ELMOD2: variants seen among roughly 807,000 people sequenced by gnomAD.
ELMOD2 encodes ELMO domain-containing protein 2.
Under a neutral mutation model 41.0 loss-of-function variants are expected in ELMOD2, and 28 were observed. That is an observed-to-expected ratio of 0.68 (90% CI 0.51 to 0.94). ELMOD2 has a LOEUF of 0.94. ELMOD2 is among the 40% of genes least tolerant of loss of function. The probability of loss-of-function intolerance (pLI) is 0.00; values close to 1 mark genes in which losing one functional copy is unlikely to be tolerated. For missense variants in ELMOD2, 333 were observed against 343.1 expected (o/e 0.97, Z 0.23); for synonymous variants, 106 against 107.2 (o/e 0.99, Z 0.07).
Position 140,538,998 on chromosome 4 carries a change from G to A in ELMOD2, c.400-1170G>A, listed in dbSNP as rs1024785106. 1.0e-3 allele frequency among the ~76,000 whole-genome samples: 157 copies of A among 152,272 alleles called. 1 individual carries two copies. The highest frequency in any genetic ancestry group is 3.4e-3 in the African/African-American group (143 of 41,554). On this transcript the variant is annotated intron_variant, in intron 5 of 8. Transcript: ENST00000323570. Reference sequence around the variant, plus strand: ...CTCCTTGCAGAATTCATGGAGAGAGGCTAATGTAAGCAAGTCACAGGTGTT... The same window carrying A: ...CTCCTTGCAGAATTCATGGAGAGAGACTAATGTAAGCAAGTCACAGGTGTT...
At chr4:140,535,171 CTCT>C (rs1734878634) in intron 3 of ELMOD2, among the ~76,000 whole-genome samples, 1 of 143,320 alleles carries the variant, frequency 7.0e-6, no homozygotes, top group East Asian at 2.2e-4. Context: ...CTCTCTCTCT[CTCT>C]CTCGCCTTGG....
chr4:140,537,328 A>G (rs1054779033), intron 4 of ELMOD2, 84 bp from the exon 5 acceptor site: 2 of 1,225,358 alleles, frequency 1.6e-6, no homozygotes, highest in African/African-American at 3.2e-5. Flanking sequence ...AATGCTTTCT[A>G]AATAGACATA....
chr4:140,527,418 A>G (rs372813486), intron 2 of ELMOD2, 48 bp from the exon 3 acceptor site: 1 of 1,457,242 alleles, frequency 6.9e-7, no homozygotes, highest in Non-Finnish European at 9.4e-7. Context: ...GGTAATTGAC[A>G]AACAGCATTT....
Position 140,542,603 on chromosome 4 carries a change from C to G in ELMOD2, c.563C>G (p.Ala188Gly). Residue 188 changes from alanine to glycine, a missense_variant, in exon 7 of 9, where the codon GCT becomes GGT. Transcript: ENST00000323570. ...TTCAGTGAAAATTACACTAGTGAAG[C>G]TCATCAGATTCTTTCCCGTTCAAAT... is the stretch of plus-strand genomic sequence containing the variant. ...VYFSENYTSE[A>G]HQILSRSNHP... 1.2e-6 allele frequency: 2 copies of G among 1,605,770 alleles called. No individual in the cohort carries two copies. Among genetic ancestry groups the G allele is most frequent in the Non-Finnish European group, 8.5e-7 (1 of 1,175,458 alleles).
chr4:140,534,317 C>T (rs189990287), intron 3 of ELMOD2, among the ~76,000 whole-genome samples: 3 of 152,156 alleles, frequency 2.0e-5, no homozygotes, highest in Admixed American at 6.5e-5. Flanking sequence ...CAAAATAGTA[C>T]GTACTTTGAT....
At position 140,552,776 on chromosome 4, in the gene ELMOD2, A is replaced by G. The variant is rs1470785146; in HGVS notation, c.*2401A>G. 1 of 152,124 alleles carries G rather than the reference A, an allele frequency of 6.6e-6. No individual in the cohort carries two copies. 9.4% of individuals were successfully genotyped at this position (152,124 alleles called of 1,614,324 possible). On this transcript the variant is annotated 3_prime_UTR_variant, in exon 9 of 9. Transcript: ENST00000323570. ...ATCAAAAAAGTAAATAGATGTTGAA[A>G]TGAATTTTTGTATGTGCCAGGTTGA...
In ELMOD2 at chr4:140,537,550, C is replaced by T; in HGVS notation, c.399+9C>T. On this transcript the variant is annotated intron_variant, in intron 5 of 8. Coordinates refer to ENST00000323570, the MANE Select transcript of ELMOD2 (RefSeq NM_153702.4). ...AAGAGCTACTCATGAAGGTAAATTTCTGTTTTCTTTATGTGGAGTTGTTGA... is the reference window on the plus strand; with the variant it reads ...AAGAGCTACTCATGAAGGTAAATTTTTGTTTTCTTTATGTGGAGTTGTTGA... 6.3e-7 allele frequency: 1 copy of T among 1,597,026 alleles called. No homozygotes were observed. Among genetic ancestry groups the T allele is most frequent in the Non-Finnish European group, 8.5e-7 (1 of 1,173,854 alleles).
chr4:140,533,820 A>G (rs921330163), intron 3 of ELMOD2, among the ~76,000 whole-genome samples: 6 of 152,030 alleles, frequency 3.9e-5, no homozygotes, highest in Non-Finnish European at 5.9e-5. Context: ...ACAAAAGTGT[A>G]TATATACGTG....
At chr4:140,530,883 G>T (rs1328308775) in intron 3 of ELMOD2, among the ~76,000 whole-genome samples, 1 of 151,798 alleles carries the variant, frequency 6.6e-6, no homozygotes, top group African/African-American at 2.4e-5. Context: ...AAAAAGTCTG[G>T]GTTCAAATCC....
intron 3 of ELMOD2, among the ~76,000 whole-genome samples, chr4:140,535,001 T>C (rs1285361287): frequency 6.6e-6 from 1 of 152,196 alleles, no homozygotes; most frequent in African/African-American, 2.4e-5. Flanking sequence ...TTCAACACTC[T>C]TCCTGTACTC....
At chr4:140,533,035 G>A (rs1011157551) in intron 3 of ELMOD2, among the ~76,000 whole-genome samples, 7 of 152,130 alleles carry the variant, frequency 4.6e-5, no homozygotes, top group Non-Finnish European at 1.0e-4. Context: ...TTTAATGAAA[G>A]ATGCATAAGA....
chr4:140,542,223 G>T (rs1735127548), intron 6 of ELMOD2, among the ~76,000 whole-genome samples: 5 of 151,250 alleles, frequency 3.3e-5, no homozygotes, highest in Admixed American at 2.0e-4. Flanking sequence ...GTGTAAGGAA[G>T]AGTGTCCTAA....
intron 6 of ELMOD2, among the ~76,000 whole-genome samples, 193 bp downstream of exon 6, chr4:140,540,494 C>T (rs1345357374): frequency 1.3e-5 from 2 of 152,220 alleles, no homozygotes; most frequent in African/African-American, 2.4e-5. Context: ...TGGCTCACGC[C>T]TGTAATCCCA....
intron 5 of ELMOD2, 136 bp downstream of exon 5, chr4:140,537,677 T>C (rs1734978464): frequency 1.0e-6 from 1 of 956,178 alleles, no homozygotes; most frequent in African/African-American, 1.8e-5. Context: ...GAGAATTTTA[T>C]TATGCTGGAT....
In ELMOD2 at chr4:140,543,490, A is replaced by T; in HGVS notation, c.640A>T (p.Met214Leu). 2 of 1,604,856 alleles carry T rather than the reference A, an allele frequency of 1.2e-6. No homozygotes were observed. Among genetic ancestry groups the T allele is most frequent in the Non-Finnish European group, 1.7e-6 (2 of 1,177,524 alleles). The part of the protein sequence containing the change: ...YAIVGINLTE[M>L]AYSLLKSEAL... Reference sequence around the variant, plus strand: ...AATAGTTGGAATCAATCTTACAGAGATGGCTTATAGCTTACTGAAGAGTGA... The same window carrying T: ...AATAGTTGGAATCAATCTTACAGAGTTGGCTTATAGCTTACTGAAGAGTGA... Residue 214 changes from methionine (M) to leucine (L), a missense_variant, in exon 8 of 9, where the codon ATG becomes TTG. Physicochemically the swap from Met to Leu is conservative, Grantham distance 15. Coordinates refer to ENST00000323570, the MANE Select transcript of ELMOD2 (RefSeq NM_153702.4).
At position 140,541,027 on chromosome 4, in the gene ELMOD2, G is replaced by A. The variant is rs541773681; in HGVS notation, c.533+726G>A. On this transcript the variant is annotated intron_variant, in intron 6 of 8. Coordinates refer to ENST00000323570, the MANE Select transcript of ELMOD2 (RefSeq NM_153702.4). ...CATTCCTGACTTGGTATAGACTACC[G>A]TATGAACTTTCTCTCCTTTATCTTC... is the stretch of plus-strand genomic sequence containing the variant. Among the ~76,000 whole-genome samples the A allele has an allele frequency of 1.5e-4, 23 of 152,266 alleles. No individual in the cohort carries two copies. The South Asian group carries it at 1.7e-3, about 11-fold the overall frequency.
Position 140,543,506 on chromosome 4 carries a change from T to G in ELMOD2, c.656T>G (p.Leu219Arg), listed in dbSNP as rs1238119957. 1.9e-6 allele frequency: 3 copies of G among 1,606,252 alleles called. No individual in the cohort carries two copies. The highest frequency in any genetic ancestry group is 2.5e-6 in the Non-Finnish European group (3 of 1,177,640). Residue 219 changes from leucine to arginine, a missense_variant, in exon 8 of 9, where the codon CTG becomes CGG. Transcript: ENST00000323570. ...INLTEMAYSL[L>R]KSEALKFHLY... ...CTTACAGAGATGGCTTATAGCTTACTGAAGAGTGAAGCTTTGAAGTTTCAT... is the reference window on the plus strand; with the variant it reads ...CTTACAGAGATGGCTTATAGCTTACGGAAGAGTGAAGCTTTGAAGTTTCAT...
At chr4:140,527,409 G>A (rs1215110095) in intron 2 of ELMOD2, 57 bp from the exon 3 acceptor site, 7 of 1,323,938 alleles carry the variant, frequency 5.3e-6, no homozygotes, top group Non-Finnish European at 7.4e-6. Context: ...TTATTATAGG[G>A]TAATTGACAA....
In ELMOD2 at chr4:140,546,165, G is replaced by C. The variant is rs548408954; in HGVS notation, c.736+2579G>C. On this transcript the variant is annotated intron_variant, in intron 8 of 8. Coordinates refer to ENST00000323570, the MANE Select transcript of ELMOD2 (RefSeq NM_153702.4). ...GGAATACTATGCAGCCATAAAAAAT[G>C]ATGAGTTCATGTCCTTTGTAGGGAC... Among the ~76,000 whole-genome samples the C allele has an allele frequency of 5.3e-5, 8 of 152,270 alleles. No individual in the cohort carries two copies. In the East Asian group the frequency reaches 5.8e-4, roughly 11 times the overall value.
Sources: gnomAD v4.1 joint callset for allele counts (sites outside exome capture counted in the v4.1 genomes callset) on GRCh38, gnomAD v4.1.1 for gene constraint, MANE v1.5 for transcripts, NCBI Gene and HGNC (gene_info 2026-07-23, HGNC 2026-07-21) for gene names.